The following LHFPL2 variants were observed in gnomAD, a reference collection of about 807,000 sequenced individuals.
LHFPL2 encodes LHFPL tetraspan subfamily member 2.
Under a neutral mutation model 17.5 loss-of-function variants are expected in LHFPL2, and 7 were observed. That is an observed-to-expected ratio of 0.40 (90% CI 0.23 to 0.75). The LOEUF is 0.75. Among genes scored for constraint, LHFPL2 ranks in the 30% least tolerant of loss-of-function variants. LHFPL2 has a pLI of 0.37. For missense variants in LHFPL2, 241 were observed against 294.8 expected, an observed-to-expected ratio of 0.82 and a Z score of 1.34; for synonymous variants, 134 against 116.2, an observed-to-expected ratio of 1.15 and a Z score of -0.99.
At chr5:78,647,752 A>G (rs1238050284) in intron 1 of LHFPL2, among the ~76,000 whole-genome samples, 1 of 152,144 alleles carries the variant, frequency 6.6e-6, no homozygotes, top group African/African-American at 2.4e-5. Flanking sequence ...AAATAACAGA[A>G]AAGTCGAACG....
chr5:78,615,785 A>G (rs1744579716), intron 2 of LHFPL2, among the ~76,000 whole-genome samples: 1 of 152,204 alleles, frequency 6.6e-6, no homozygotes, highest in Non-Finnish European at 1.5e-5. Flanking sequence ...ATAAATGACT[A>G]AGAAGGTCAA....
At position 78,486,900 on chromosome 5, in the gene LHFPL2, C is replaced by CTGAT. The variant is rs1754263261; in HGVS notation, c.*1993_*1996dup. On this transcript the variant is annotated 3_prime_UTR_variant, in exon 5 of 5. Coordinates refer to ENST00000380345, the MANE Select transcript of LHFPL2 (RefSeq NM_005779.3). ...CAAGAAAGAAAGAAAAGTGAGTCTT[C>CTGAT]TGATAAGTTTATGGAAAAATTTTGT... 1 of 152,122 alleles carries CTGAT rather than the reference C, an allele frequency of 6.6e-6. No homozygotes were observed. Among genetic ancestry groups the CTGAT allele is most frequent in the Admixed American group, 6.6e-5 (1 of 15,262 alleles). 9.4% of individuals were successfully genotyped at this position (152,122 alleles called of 1,614,324 possible).
rs1050674 is a variant in LHFPL2, at chr5:78,487,266, G to A, written c.*1631C>T. The A allele has an allele frequency of 6.6e-6, 1 of 151,958 alleles. No homozygotes were observed. Among genetic ancestry groups the A allele is most frequent in the Non-Finnish European group, 1.5e-5 (1 of 67,978 alleles). The allele number at this position is 151,958 out of a possible 1,614,324, so 9.4% of individuals were successfully genotyped here. A position where few individuals can be genotyped will look rare whatever the true frequency, so the allele number is the denominator to read the frequency against. On this transcript the variant is annotated 3_prime_UTR_variant, in exon 5 of 5. Coordinates refer to ENST00000380345, the MANE Select transcript of LHFPL2 (RefSeq NM_005779.3). ...ACTGCGGTTGTCCCATTCCATCTCT[G>A]TATAATTATCTGTTCTGCACCAAGA...
intron 4 of LHFPL2, among the ~76,000 whole-genome samples, chr5:78,496,757 C>T (rs1329122130): frequency 6.6e-6 from 1 of 152,230 alleles, no homozygotes; most frequent in African/African-American, 2.4e-5. Flanking sequence ...AATTTAAGAT[C>T]ATCAGCCAGT....
At chr5:78,547,948 C>T (rs766669599) in intron 3 of LHFPL2, among the ~76,000 whole-genome samples, 1 of 152,236 alleles carries the variant, frequency 6.6e-6, no homozygotes, top group Non-Finnish European at 1.5e-5. Context: ...CAGGAAAGGC[C>T]GCTACATCTC....
chr5:78,617,756 T>C (rs933722567), intron 2 of LHFPL2, among the ~76,000 whole-genome samples: 4 of 152,192 alleles, frequency 2.6e-5, no homozygotes, highest in Non-Finnish European at 5.9e-5. Flanking sequence ...ACTCTCCAGA[T>C]TAAACAGAAC....
intron 4 of LHFPL2, among the ~76,000 whole-genome samples, chr5:78,502,820 A>G (rs1754813329): frequency 1.3e-5 from 2 of 152,200 alleles, no homozygotes; most frequent in African/African-American, 4.8e-5. Context: ...CTGTCTTTTC[A>G]ACACTACGTC....
intron 3 of LHFPL2, among the ~76,000 whole-genome samples, chr5:78,522,302 G>C (rs947568697): frequency 6.6e-6 from 1 of 152,110 alleles, no homozygotes; most frequent in African/African-American, 2.4e-5. Flanking sequence ...GCCAGGCATG[G>C]TGGCGGGCAC....
intron 2 of LHFPL2, among the ~76,000 whole-genome samples, chr5:78,578,039 T>C (rs990246602): frequency 2.6e-5 from 4 of 152,330 alleles, no homozygotes; most frequent in Admixed American, 2.0e-4. Context: ...TTCCTTGTCA[T>C]GCCCTCTGGG....
chr5:78,529,709 G>A (rs1336627944), intron 3 of LHFPL2, among the ~76,000 whole-genome samples: 1 of 151,946 alleles, frequency 6.6e-6, no homozygotes, highest in Non-Finnish European at 1.5e-5. Context: ...ACAGATGAAA[G>A]AATTTGTGAA....
chr5:78,646,473 C>G (rs558315356), intron 1 of LHFPL2, among the ~76,000 whole-genome samples: 1 of 152,284 alleles, frequency 6.6e-6, no homozygotes, highest in South Asian at 2.1e-4. Flanking sequence ...GGGAATTATC[C>G]GAGCTGAATT....
chr5:78,637,363 A>C (rs1186849644), intron 1 of LHFPL2, among the ~76,000 whole-genome samples: 2 of 149,270 alleles, frequency 1.3e-5, no homozygotes, highest in Non-Finnish European at 2.9e-5. Flanking sequence ...ACCAACATGT[A>C]ATGAGGAAAT....
At chr5:78,563,465 G>A (rs1756782286) in intron 3 of LHFPL2, among the ~76,000 whole-genome samples, 1 of 152,090 alleles carries the variant, frequency 6.6e-6, no homozygotes, top group Non-Finnish European at 1.5e-5. Context: ...GGAGGCTGAG[G>A]TGGGCAGAGC....
chr5:78,519,099 G>A (rs905090137), intron 3 of LHFPL2, among the ~76,000 whole-genome samples: 1 of 152,078 alleles, frequency 6.6e-6, no homozygotes, highest in Non-Finnish European at 1.5e-5. Context: ...CAGCTACCTT[G>A]CTCCCCAACA....
At chr5:78,490,941 T>A (rs10514138) in intron 4 of LHFPL2, 5 of 151,976 alleles carry the variant, frequency 3.3e-5, no homozygotes, top group Non-Finnish European at 5.9e-5. Flanking sequence ...TTTCTTTACC[T>A]ACCTTAACTG....
chr5:78,609,703 G>T (rs1240595763), intron 2 of LHFPL2, among the ~76,000 whole-genome samples: 1 of 151,970 alleles, frequency 6.6e-6, no homozygotes, highest in East Asian at 1.9e-4. Flanking sequence ...TAGAAAATGG[G>T]TATTTGACAT....
chr5:78,645,230 T>C (rs1011725463), intron 1 of LHFPL2, among the ~76,000 whole-genome samples: 3 of 151,628 alleles, frequency 2.0e-5, no homozygotes, highest in Non-Finnish European at 4.4e-5. Flanking sequence ...GGAAGTCCTT[T>C]GAAAACAGAG....
intron 1 of LHFPL2, among the ~76,000 whole-genome samples, chr5:78,638,155 C>T (rs1745524533): frequency 6.6e-6 from 1 of 152,092 alleles, no homozygotes; most frequent in Admixed American, 6.6e-5. Flanking sequence ...GAGATTGAGA[C>T]CATCCTGGCT....
intron 4 of LHFPL2, among the ~76,000 whole-genome samples, chr5:78,490,797 A>G (rs563592319): frequency 6.6e-6 from 1 of 151,418 alleles, no homozygotes; most frequent in African/African-American, 2.4e-5. Context: ...GGAGGGCAAA[A>G]ACATTTTCTC....
Sources: allele counts gnomAD v4.1 joint callset (sites outside exome capture counted in the v4.1 genomes callset), GRCh38; gene constraint gnomAD v4.1.1; transcripts MANE v1.5; gene names NCBI Gene and HGNC (gene_info 2026-07-23, HGNC 2026-07-21).